DMBT1: variants seen among roughly 807,000 people sequenced by gnomAD.
DMBT1 encodes the protein deleted in malignant brain tumors 1, also known as scavenger receptor cysteine-rich domain-containing protein DMBT1.
DMBT1 carries 198 observed loss-of-function variants against 252.9 expected under a neutral mutation model. The ratio of observed to expected loss-of-function variants is 0.78; its 90% CI spans 0.70 to 0.88. The LOEUF is 0.88. Among genes scored for constraint, DMBT1 ranks in the 40% least tolerant of loss-of-function variants. DMBT1 has a pLI of 0.00. For missense variants in DMBT1, 2,432 were observed against 2,404.7 expected (o/e 1.01, Z -0.24); for synonymous variants, 990 against 942.7 (o/e 1.05, Z -0.92).
At chr10:122,617,865 G>A (rs756167568) in intron 40 of DMBT1, among the ~76,000 whole-genome samples, 152 bp from the exon 41 acceptor site, 26 of 151,486 alleles carry the variant, frequency 1.7e-4, no homozygotes, top group Non-Finnish European at 3.1e-4. Context: ...CTTTCCCTAT[G>A]ATAAAGCTGA....
At position 122,618,200 on chromosome 10, in the gene DMBT1, A is replaced by G. The variant is rs374308103; in HGVS notation, c.5075A>G (p.Gln1692Arg). The change falls in exon 41 of 56, where the codon CAG becomes CGG. Residue 1692 changes from glutamine to arginine, a missense_variant. Gln to Arg is a conservative substitution (Grantham distance 43). Coordinates refer to ENST00000338354, the MANE Select transcript of DMBT1 (RefSeq NM_001377530.1). ...GWAMSAPGNAQFGQGSGPIVL... is the reference protein window; with the variant it reads ...GWAMSAPGNARFGQGSGPIVL... Reference sequence around the variant, plus strand: ...GCCATGTCAGCCCCAGGAAATGCCCAGTTTGGCCAGGGCTCAGGACCCATT... The same window carrying G: ...GCCATGTCAGCCCCAGGAAATGCCCGGTTTGGCCAGGGCTCAGGACCCATT... The G allele has an allele frequency of 3.7e-5, 60 of 1,613,866 alleles. No individual in the cohort carries two copies. Among genetic ancestry groups the G allele is most frequent in the Admixed American group, 3.3e-4 (20 of 60,016 alleles).
chr10:122,581,066 A>G (rs1020764184), intron 11 of DMBT1, among the ~76,000 whole-genome samples, 171 bp downstream of exon 11: 18 of 148,288 alleles, frequency 1.2e-4, no homozygotes, highest in Non-Finnish European at 4.4e-5. Context: ...TTTTAAACAC[A>G]CACAGGATTG....
chr10:122,643,413 A>T lies in DMBT1; in HGVS notation c.*15A>T, dbSNP rs1189719520. 1.2e-6 allele frequency: 2 copies of T among 1,604,226 alleles called. No homozygotes were observed. The highest frequency in any genetic ancestry group is 3.4e-5 in the Admixed American group (2 of 58,780). On this transcript the variant is annotated 3_prime_UTR_variant, in exon 56 of 56. Coordinates refer to ENST00000338354, the MANE Select transcript of DMBT1 (RefSeq NM_001377530.1). ...AGCCTCGGTAGGTGGTCGCTCTCAGACCCCACTGTCCACCGGGGCGCAGAC... is the reference window on the plus strand; with the variant it reads ...AGCCTCGGTAGGTGGTCGCTCTCAGTCCCCACTGTCCACCGGGGCGCAGAC...
chr10:122,570,023 G>A, intron 2 of DMBT1, 139 bp from the exon 3 acceptor site: 1 of 809,124 alleles, frequency 1.2e-6, no homozygotes, highest in African/African-American at 1.7e-5. Flanking sequence ...GGAGCGATTG[G>A]CACATAGTTG....
At chr10:122,578,545 G>T (rs981535534) in intron 8 of DMBT1, among the ~76,000 whole-genome samples, 173 bp from the exon 9 acceptor site, 1 of 152,166 alleles carries the variant, frequency 6.6e-6, no homozygotes, top group Non-Finnish European at 1.5e-5. Flanking sequence ...GGTGTCCTTT[G>T]TCCCTGAATG....
rs762851442 is a variant in DMBT1 at position 122,573,760 on chromosome 10, A to C, written c.281A>C (p.Glu94Ala). 3.1e-6 allele frequency: 5 copies of C among 1,613,808 alleles called. No homozygotes were observed. Among genetic ancestry groups the C allele is most frequent in the Non-Finnish European group, 4.2e-6 (5 of 1,179,740 alleles). The change falls in exon 6 of 56, where the codon GAA becomes GCA. Residue 94 changes from glutamate to alanine, a missense_variant and splice_region_variant. By Grantham distance (107) the Glu-to-Ala change is moderately radical. Coordinates refer to ENST00000338354, the MANE Select transcript of DMBT1 (RefSeq NM_001377530.1). ...TCAACCCTGGAGTCAACTGTAGCAG[A>C]AGGTAACGTCTACTATGGGGGATCC... ...SESTLESTVAEGSDSGLALRL... is the reference protein window; with the variant it reads ...SESTLESTVAAGSDSGLALRL...
intron 44 of DMBT1, among the ~76,000 whole-genome samples, chr10:122,623,772 T>G (rs1392943847): frequency 6.6e-6 from 1 of 152,238 alleles, no homozygotes; most frequent in Non-Finnish European, 1.5e-5. Context: ...TGTCAGTATC[T>G]TAGCCCAGGC....
rs77407192 is a variant in DMBT1 at position 122,632,553 on chromosome 10, C to T, written c.6368-308C>T. On this transcript the variant is annotated intron_variant, in intron 50 of 55. Transcript: ENST00000338354. Reference sequence around the variant, plus strand: ...TGCTGTTCCTCTGCCTGGGACACCCCGTTTCTACCTCTTTGCCTGCCCCCT... The same window carrying T: ...TGCTGTTCCTCTGCCTGGGACACCCTGTTTCTACCTCTTTGCCTGCCCCCT... 0.012 allele frequency among the ~76,000 whole-genome samples: 1,763 copies of T among 152,168 alleles called. 71 individuals carry two copies. In the East Asian group the frequency reaches 0.13, roughly 11 times the overall value.
intron 8 of DMBT1, among the ~76,000 whole-genome samples, chr10:122,578,218 C>T (rs759308032): frequency 3.3e-5 from 5 of 152,132 alleles, no homozygotes; most frequent in Non-Finnish European, 7.3e-5. Context: ...AGGCTTGATA[C>T]CCCCATCTCT....
intron 1 of DMBT1, among the ~76,000 whole-genome samples, chr10:122,562,926 T>G (rs1292986427): frequency 6.6e-6 from 1 of 152,148 alleles, no homozygotes; most frequent in Non-Finnish European, 1.5e-5. Context: ...CACTGGTGAG[T>G]GGCTGGGTTA....
rs759353717 is a variant in DMBT1, at chr10:122,593,577, T to A, written c.2509T>A (p.Ser837Thr). 2 of 1,587,380 alleles carry A rather than the reference T, an allele frequency of 1.3e-6. No individual in the cohort carries two copies. Among genetic ancestry groups the A allele is most frequent in the South Asian group, 2.3e-5 (2 of 87,198 alleles). ...DAGVICSVSQ[S>T]RPTPSPDTWP... ...TCTTCTCTTTCTCACAGTTTCCCAGTCCCGGCCGACACCCAGTCCAGGTAG... is the reference window on the plus strand; with the variant it reads ...TCTTCTCTTTCTCACAGTTTCCCAGACCCGGCCGACACCCAGTCCAGGTAG... Residue 837 changes from serine to threonine, a missense_variant, in exon 21 of 56, where the codon TCC becomes ACC. By Grantham distance (58) the Ser-to-Thr change is moderately conservative (BLOSUM62 1). Coordinates refer to ENST00000338354, the MANE Select transcript of DMBT1 (RefSeq NM_001377530.1).
rs1378512657 is a variant in DMBT1 at position 122,585,363 on chromosome 10, G to GT, written c.1459+61dup. ...GCTCACTCTCTACCTCTGGACAAAT[G>GT]TTTTTTTCTGAAATGATAGGATGAG... On this transcript the variant is annotated intron_variant, in intron 15 of 55. Coordinates refer to ENST00000338354, the MANE Select transcript of DMBT1 (RefSeq NM_001377530.1). 6 of 1,554,466 alleles carry GT rather than the reference G, an allele frequency of 3.9e-6. 1 individual carries two copies. Among genetic ancestry groups the GT allele is most frequent in the Middle Eastern group, 3.3e-4 (2 of 5,978 alleles).
chr10:122,592,250 G>A, intron 19 of DMBT1, 22 bp from the exon 20 acceptor site: 1 of 1,584,718 alleles, frequency 6.3e-7, no homozygotes, highest in Non-Finnish European at 8.6e-7. Context: ...GATGGATAAA[G>A]GGTTCTTGTG....
At chr10:122,642,175 G>GAAA (rs59805964) in intron 55 of DMBT1, among the ~76,000 whole-genome samples, 4,186 of 143,334 alleles carry the variant, frequency 0.029, 124 homozygotes, top group East Asian at 0.13. Flanking sequence ...GAGCTACTGT[G>GAAA]AAAAAAAAAA....
chr10:122,586,319 C>G lies in DMBT1; in HGVS notation c.1719C>G (p.Cys573Trp). 1.9e-6 allele frequency: 3 copies of G among 1,588,680 alleles called. No homozygotes were observed. The highest frequency in any genetic ancestry group is 2.6e-6 in the Non-Finnish European group (3 of 1,165,876). ...CSGNESYLWSCPHNGWLSHNC... is the reference protein window; with the variant it reads ...CSGNESYLWSWPHNGWLSHNC... ...GGAATGAGTCCTACTTGTGGAGCTG[C>G]CCCCACAATGGCTGGCTCTCCCATA... Residue 573 changes from cysteine to tryptophan, a missense_variant, in exon 16 of 56, where the codon TGC becomes TGG. Physicochemically the swap from Cys to Trp is radical, Grantham distance 215. Coordinates refer to ENST00000338354, the MANE Select transcript of DMBT1 (RefSeq NM_001377530.1).
At position 122,580,466 on chromosome 10, in the gene DMBT1, G is replaced by A. The variant is rs562208470; in HGVS notation, c.1004-400G>A. ...ATTGCCTGTGTTCTAGGTCTGGTGA[G>A]GGGAGGGCAGTCCCCATGAGGCCAG... is the stretch of plus-strand genomic sequence containing the variant. On this transcript the variant is annotated intron_variant, in intron 10 of 55. Coordinates refer to ENST00000338354, the MANE Select transcript of DMBT1 (RefSeq NM_001377530.1). Among the ~76,000 whole-genome samples, 5 of 152,318 alleles carry A rather than the reference G, an allele frequency of 3.3e-5. No homozygotes were observed. The South Asian group carries it at 1.0e-3, about 32-fold the overall frequency.
At chr10:122,633,752 A>G (rs927759159) in intron 52 of DMBT1, among the ~76,000 whole-genome samples, 4 of 152,166 alleles carry the variant, frequency 2.6e-5, no homozygotes, top group Non-Finnish European at 5.9e-5. Context: ...AGATGTGAAA[A>G]TATTTACAAA....
intron 17 of DMBT1, among the ~76,000 whole-genome samples, chr10:122,590,167 G>C (rs748487340): frequency 4.0e-5 from 6 of 148,846 alleles, no homozygotes; most frequent in Non-Finnish European, 9.0e-5. Context: ...GCAGATCTGT[G>C]TCTGTCCAAG....
In DMBT1 at chr10:122,592,989, G is replaced by C. The variant is rs527990691; in HGVS notation, c.2500+394G>C. On this transcript the variant is annotated intron_variant, in intron 20 of 55. Coordinates refer to ENST00000338354, the MANE Select transcript of DMBT1 (RefSeq NM_001377530.1). The stretch of plus-strand genomic sequence containing the variant: ...CTGAGAGGAACTCTGAGCTAAAGAT[G>C]CTTGTCTGAAAGTGAGTTCTCAGCT... 2.7e-5 allele frequency among the ~76,000 whole-genome samples: 4 copies of C among 148,962 alleles called. No homozygotes were observed. The East Asian group carries it at 8.3e-4, about 31-fold the overall frequency.
Sources: gnomAD v4.1 joint callset for allele counts (sites outside exome capture counted in the v4.1 genomes callset) on GRCh38, gnomAD v4.1.1 for gene constraint, MANE v1.5 for transcripts, NCBI Gene and HGNC (gene_info 2026-07-23, HGNC 2026-07-21) for gene names.